The following NTRK3 variants were observed in gnomAD, a reference collection of about 807,000 sequenced individuals.
NTRK3 encodes NT-3 growth factor receptor.
NTRK3 carries 24 observed loss-of-function variants against 91.7 expected under a neutral mutation model. The observed-to-expected ratio is 0.26, with a 90% CI of 0.19 to 0.37. The LOEUF (loss-of-function observed/expected upper bound fraction) is 0.37. Among genes scored for constraint, NTRK3 ranks in the 10% least tolerant of loss-of-function variants. The pLI is 1.00. For missense variants in NTRK3, 880 were observed against 1,068.9 expected, an observed-to-expected ratio of 0.82 and a Z score of 2.46; for synonymous variants, 483 against 404.0, an observed-to-expected ratio of 1.20 and a Z score of -2.34.
intron 14 of NTRK3, among the ~76,000 whole-genome samples, chr15:88,013,922 C>A (rs979024649): frequency 2.0e-5 from 3 of 151,974 alleles, no homozygotes; most frequent in Admixed American, 2.0e-4. Context: ...CCAACTTAGG[C>A]GATACAGTGA....
At chr15:88,191,204 G>GTT (rs1387037880) in intron 3 of NTRK3, among the ~76,000 whole-genome samples, 1 of 149,372 alleles carries the variant, frequency 6.7e-6, no homozygotes, top group East Asian at 2.0e-4. Flanking sequence ...GTGTGTGTGT[G>GTT]TGTGTCTTAA....
At chr15:88,188,846 G>A (rs985864619) in intron 3 of NTRK3, among the ~76,000 whole-genome samples, 6 of 152,188 alleles carry the variant, frequency 3.9e-5, no homozygotes, top group African/African-American at 1.4e-4. Context: ...GAACCCACTG[G>A]CCAAGAGCCT....
chr15:88,100,060 C>T (rs1256930184), intron 13 of NTRK3, among the ~76,000 whole-genome samples: 1 of 152,142 alleles, frequency 6.6e-6, no homozygotes, highest in East Asian at 1.9e-4. Context: ...GCTTGAATTA[C>T]TCTTCCAGTG....
intron 13 of NTRK3, among the ~76,000 whole-genome samples, chr15:88,037,076 T>C (rs1596877536): frequency 1.3e-5 from 2 of 152,268 alleles, no homozygotes; most frequent in South Asian, 4.1e-4. Flanking sequence ...ATGGAAGTGT[T>C]CTGCCACAGA....
rs528701376 is a variant in NTRK3 at position 87,896,254 on chromosome 15, T to C, written c.2134-15826A>G. Among the ~76,000 whole-genome samples the C allele has an allele frequency of 9.9e-5, 15 of 152,162 alleles. 1 individual carries two copies. The South Asian group carries it at 3.1e-3, about 32-fold the overall frequency. On this transcript the variant is annotated intron_variant, in intron 17 of 18. Coordinates refer to ENST00000394480, the Ensembl canonical transcript of NTRK3. Reference sequence around the variant, plus strand: ...TTGGGAGGCCGAGGCACGCAAATCATGAGGTCAAGACATAGAGATCATCCC... The same window carrying C: ...TTGGGAGGCCGAGGCACGCAAATCACGAGGTCAAGACATAGAGATCATCCC...
chr15:87,967,259 G>C (rs2072874991), intron 14 of NTRK3, among the ~76,000 whole-genome samples: 1 of 152,142 alleles, frequency 6.6e-6, no homozygotes, highest in Non-Finnish European at 1.5e-5. Context: ...TGATGAACAG[G>C]AAGAGGCATG....
intron 4 of NTRK3, among the ~76,000 whole-genome samples, chr15:88,183,725 C>G (rs1161756333): frequency 6.6e-6 from 1 of 152,198 alleles, no homozygotes; most frequent in Non-Finnish European, 1.5e-5. Context: ...ATACTGGCAG[C>G]TGCCCTCCAC....
intron 5 of NTRK3, among the ~76,000 whole-genome samples, chr15:88,173,686 C>T (rs2045734660): frequency 6.6e-6 from 1 of 152,216 alleles, no homozygotes; most frequent in Non-Finnish European, 1.5e-5. Context: ...CTCCATCTGC[C>T]CTTCATTTTG....
At chr15:87,935,503 CT>C (rs2069189991) in intron 15 of NTRK3, among the ~76,000 whole-genome samples, 2 of 152,122 alleles carry the variant, frequency 1.3e-5, no homozygotes, top group African/African-American at 4.8e-5. Flanking sequence ...CAGCAGCAGC[CT>C]TGAGCTGTAT....
In NTRK3 at chr15:88,168,549, G is replaced by A. The variant is rs189741451; in HGVS notation, c.395+14869C>T. On this transcript the variant is annotated intron_variant, in intron 5 of 18. Coordinates refer to ENST00000394480, the Ensembl canonical transcript of NTRK3. ...TCCACACAATAAATAAGGAGCACAC[G>A]GTTGCTCTTTGCAAACACCACCCTT... Among the ~76,000 whole-genome samples the A allele has an allele frequency of 4.0e-4, 61 of 152,332 alleles. 1 individual carries two copies. Among genetic ancestry groups the A allele is most frequent in the African/African-American group, 1.4e-3 (57 of 41,572 alleles).
intron 17 of NTRK3, chr15:87,916,656 T>C (rs1015200846): frequency 1.3e-5 from 9 of 691,990 alleles, no homozygotes; most frequent in Non-Finnish European, 2.4e-5. Context: ...AAATAGGTTA[T>C]TATTTTTTGG....
intron 5 of NTRK3, among the ~76,000 whole-genome samples, chr15:88,174,275 G>A (rs1172852810): frequency 6.6e-6 from 1 of 152,214 alleles, no homozygotes; most frequent in Middle Eastern, 3.4e-3. Flanking sequence ...GACCAAATGG[G>A]TTAAATAGCT....
intron 14 of NTRK3, among the ~76,000 whole-genome samples, chr15:88,018,524 T>C (rs903183999): frequency 6.6e-5 from 10 of 152,168 alleles, no homozygotes; most frequent in Admixed American, 5.2e-4. Context: ...CCCTAGGAAA[T>C]GCCTAATCTG....
intron 17 of NTRK3, among the ~76,000 whole-genome samples, chr15:87,912,737 A>T (rs1325641720): frequency 6.6e-6 from 1 of 151,842 alleles, no homozygotes; most frequent in Non-Finnish European, 1.5e-5. Context: ...GCCAGTGTAG[A>T]TGCTTACCCA....
intron 17 of NTRK3, among the ~76,000 whole-genome samples, chr15:87,920,431 CTG>C (rs2067774846): frequency 6.6e-6 from 1 of 152,154 alleles, no homozygotes; most frequent in African/African-American, 2.4e-5. Flanking sequence ...TCTCTCCAGT[CTG>C]TGGCCACGTC....
intron 14 of NTRK3, among the ~76,000 whole-genome samples, chr15:87,998,094 T>G (rs1262280371): frequency 6.6e-6 from 1 of 152,182 alleles, no homozygotes; most frequent in Non-Finnish European, 1.5e-5. Flanking sequence ...TGTGGGATAT[T>G]TAGCAGTATC....
intron 14 of NTRK3, among the ~76,000 whole-genome samples, chr15:88,025,599 A>G (rs2077965356): frequency 6.6e-6 from 1 of 152,240 alleles, no homozygotes; most frequent in Non-Finnish European, 1.5e-5. Flanking sequence ...AAAGATTCCC[A>G]GCAACACCAC....
At chr15:87,919,044 C>A (rs142242455) in intron 17 of NTRK3, among the ~76,000 whole-genome samples, 6 of 152,172 alleles carry the variant, frequency 3.9e-5, no homozygotes, top group Non-Finnish European at 7.3e-5. Flanking sequence ...AAACTCTCAA[C>A]CTAGTTTCCA....
In NTRK3 at chr15:88,070,744, C is replaced by G. The variant is rs139894823; in HGVS notation, c.1397-37699G>C. ...CTGCAGGGAAGCCTGGTAGTAAAAGCCTGAGCCAGCACCACAGCAAAATGT... is the reference window on the plus strand; with the variant it reads ...CTGCAGGGAAGCCTGGTAGTAAAAGGCTGAGCCAGCACCACAGCAAAATGT... On this transcript the variant is annotated intron_variant, in intron 13 of 18. Transcript: ENST00000394480. Among the ~76,000 whole-genome samples, 981 of 152,200 alleles carry G rather than the reference C, an allele frequency of 6.4e-3. 13 individuals carry two copies. Among genetic ancestry groups the G allele is most frequent in the African/African-American group, 0.022 (927 of 41,524 alleles).
Sources: allele counts gnomAD v4.1 joint callset (sites outside exome capture counted in the v4.1 genomes callset), GRCh38; gene constraint gnomAD v4.1.1; transcripts MANE v1.5; gene names NCBI Gene and HGNC (gene_info 2026-07-23, HGNC 2026-07-21).